KIF14: variants seen among roughly 807,000 people sequenced by gnomAD.
KIF14 encodes the protein kinesin-like protein KIF14.
In KIF14, 98 loss-of-function variants were observed where a neutral mutation model predicts 176.2. The ratio of observed to expected loss-of-function variants is 0.56; its 90% CI spans 0.47 to 0.66. The LOEUF is 0.66. Ranked by LOEUF, KIF14 falls within the 30% of genes least tolerant of loss-of-function variation. KIF14 has a pLI of 0.00. For missense variants in KIF14, 1,751 were observed against 1,920.4 expected, an observed-to-expected ratio of 0.91 and a Z score of 1.65; for synonymous variants, 566 against 632.2, an observed-to-expected ratio of 0.90 and a Z score of 1.57.
chr1:200,573,912 C>A (rs531497515), intron 22 of KIF14, among the ~76,000 whole-genome samples: 40 of 152,126 alleles, frequency 2.6e-4, no homozygotes, highest in Non-Finnish European at 5.6e-4. Flanking sequence ...AGGATGCTAC[C>A]CTTTCATATA....
At chr1:200,606,497 T>C (rs1484046620) in intron 6 of KIF14, among the ~76,000 whole-genome samples, 4 of 152,142 alleles carry the variant, frequency 2.6e-5, no homozygotes, top group Admixed American at 6.5e-5. Flanking sequence ...GTATAATGAA[T>C]ACTCCATGGC....
At chr1:200,603,455 C>T (rs1659723834) in intron 9 of KIF14, 114 bp from the exon 10 acceptor site, 5 of 598,698 alleles carry the variant, frequency 8.4e-6, no homozygotes, top group Non-Finnish European at 1.5e-5. Context: ...TTTTTACTTT[C>T]TTTTTTTTTG....
chr1:200,559,425 C>T lies in KIF14; in HGVS notation c.4258G>A (p.Gly1420Ser), dbSNP rs1166434434. 3 of 1,551,682 alleles carry T rather than the reference C, an allele frequency of 1.9e-6. No homozygotes were observed. The highest frequency in any genetic ancestry group is 2.8e-5 in the African/African-American group (2 of 72,512). The change falls in exon 27 of 30, where the codon GGT becomes AGT. Residue 1420 changes from glycine (G) to serine (S), a missense_variant. By Grantham distance (56) the Gly-to-Ser change is moderately conservative. Transcript: ENST00000367350. ...AAAATCTTCATTCCTAAGCCTACAC[C>T]ATCACAAACAGCATCCATGAATTCC... is the stretch of plus-strand genomic sequence containing the variant. Reference protein sequence around the residue: ...QEEFMDAVCDGVGLGMKILLD... With the variant: ...QEEFMDAVCDSVGLGMKILLD...
At chr1:200,591,006 G>A (rs763093951) in intron 16 of KIF14, among the ~76,000 whole-genome samples, 1 of 150,630 alleles carries the variant, frequency 6.6e-6, no homozygotes, top group East Asian at 1.9e-4. Flanking sequence ...CAGCCTAGAC[G>A]ACAGAGCCAG....
intron 23 of KIF14, among the ~76,000 whole-genome samples, chr1:200,566,890 C>T (rs1231947788): frequency 7.9e-5 from 12 of 151,994 alleles, no homozygotes; most frequent in African/African-American, 2.2e-4. Context: ...AAAGTAGTGT[C>T]TCAGCCGGGC....
chr1:200,577,510 T>C (rs1046104541), intron 21 of KIF14, among the ~76,000 whole-genome samples: 2 of 151,856 alleles, frequency 1.3e-5, no homozygotes, highest in African/African-American at 4.8e-5. Flanking sequence ...TAAGATTGGT[T>C]GGTAGGCCAG....
intron 21 of KIF14, among the ~76,000 whole-genome samples, chr1:200,579,021 G>A (rs1195684193): frequency 1.3e-5 from 2 of 152,146 alleles, no homozygotes; most frequent in Admixed American, 6.5e-5. Context: ...AACTCAGGAG[G>A]TGGAGTTGCA....
At chr1:200,567,532 T>TAAAAAAA (rs35456574) in intron 23 of KIF14, among the ~76,000 whole-genome samples, 1 of 127,790 alleles carries the variant, frequency 7.8e-6, no homozygotes, top group African/African-American at 2.9e-5. Flanking sequence ...AGACTCCGTC[T>TAAAAAAA]AAAAAAAAAA....
At chr1:200,596,224 G>A (rs956939526) in intron 14 of KIF14, among the ~76,000 whole-genome samples, 1 of 151,856 alleles carries the variant, frequency 6.6e-6, no homozygotes, top group African/African-American at 2.4e-5. Context: ...CTCCAGCCTG[G>A]GCAACAGAGC....
chr1:200,570,005 C>T lies in KIF14; in HGVS notation c.3567G>A (p.Arg1189=). 1.3e-6 allele frequency: 2 copies of T among 1,562,070 alleles called. No homozygotes were observed. Among genetic ancestry groups the T allele is most frequent in the Non-Finnish European group, 1.8e-6 (2 of 1,140,580 alleles). The change falls in exon 23 of 30, where the codon AGG becomes AGA. Residue 1189 remains arginine (R), a splice_region_variant and synonymous_variant. Transcript: ENST00000367350. ...TTCTGTTCTTCATCAAACTCCTACTCCTGAAAAAAGACAAACCATAAGATT... is the reference window on the plus strand; with the variant it reads ...TTCTGTTCTTCATCAAACTCCTACTTCTGAAAAAAGACAAACCATAAGATT... ...DAPVSSLSRR[R]SRSLMKNRRI...
At chr1:200,601,425 A>G (rs904660845) in intron 11 of KIF14, among the ~76,000 whole-genome samples, 3 of 152,228 alleles carry the variant, frequency 2.0e-5, no homozygotes, top group Non-Finnish European at 4.4e-5. Flanking sequence ...TCTATCCTAA[A>G]TTGATGATTA....
chr1:200,611,672 T>G (rs1660161721), intron 4 of KIF14, among the ~76,000 whole-genome samples: 1 of 152,230 alleles, frequency 6.6e-6, no homozygotes, highest in African/African-American at 2.4e-5. Context: ...TTTCTTCTCC[T>G]CTGAGGCTCC....
At chr1:200,565,340 G>C in intron 24 of KIF14, 87 bp from the exon 25 acceptor site, 1 of 1,418,558 alleles carries the variant, frequency 7.0e-7, no homozygotes, top group Non-Finnish European at 9.6e-7. Context: ...ATTTAACACA[G>C]TTAAAAGATG....
At chr1:200,616,644 T>C (rs1365293601) in intron 2 of KIF14, among the ~76,000 whole-genome samples, 4 of 152,256 alleles carry the variant, frequency 2.6e-5, no homozygotes, top group East Asian at 3.8e-4. Flanking sequence ...CTTGCTTAGA[T>C]ACACAGCTTC....
chr1:200,603,821 A>G lies in KIF14; in HGVS notation c.1863+18T>C, dbSNP rs1428464773. The stretch of plus-strand genomic sequence containing the variant: ...CAGGAATAAATTTCATCAAAAGGAG[A>G]AAAAGCATTCCATTTACCTTTAGTC... On this transcript the variant is annotated intron_variant, in intron 9 of 29. Transcript: ENST00000367350. The G allele has an allele frequency of 1.4e-6, 2 of 1,462,362 alleles. No individual in the cohort carries two copies. The highest frequency in any genetic ancestry group is 1.9e-6 in the Non-Finnish European group (2 of 1,042,960). The allele number at this position is 1,462,362 out of a possible 1,614,324, so 90.6% of individuals were successfully genotyped here.
At position 200,600,344 on chromosome 1, in the gene KIF14, A is replaced by T; in HGVS notation, c.2300+12T>A. 1 of 1,605,068 alleles carries T rather than the reference A, an allele frequency of 6.2e-7. No individual in the cohort carries two copies. The highest frequency in any genetic ancestry group is 8.5e-7 in the Non-Finnish European group (1 of 1,171,850). On this transcript the variant is annotated intron_variant, in intron 12 of 29. Coordinates refer to ENST00000367350, the MANE Select transcript of KIF14 (RefSeq NM_014875.3). ...AACACACTTAACATTTAGAGTACTG[A>T]CTGTACTCTACCTTTGCATTTCTGC...
chr1:200,570,210 T>C (rs1657700599), intron 22 of KIF14, among the ~76,000 whole-genome samples: 1 of 152,140 alleles, frequency 6.6e-6, no homozygotes, highest in Non-Finnish European at 1.5e-5. Context: ...GTTAATTAAA[T>C]AAGTATTGAT....
At chr1:200,575,753 GAAAA>G in intron 21 of KIF14, 62 bp from the exon 22 acceptor site, 1 of 850,744 alleles carries the variant, frequency 1.2e-6, no homozygotes, top group Non-Finnish European at 1.8e-6. Context: ...TAGCAACTAA[GAAAA>G]AAAAGATTAA....
Position 200,602,058 on chromosome 1 carries a change from C to G in KIF14, c.1990G>C (p.Glu664Gln). The G allele has an allele frequency of 6.2e-7, 1 of 1,610,928 alleles. No individual in the cohort carries two copies. Among genetic ancestry groups the G allele is most frequent in the Non-Finnish European group, 8.5e-7 (1 of 1,179,162 alleles). ...RESVLTWLLK[E>Q]SLGGNSKTAM... ...GTTTTTGAATTTCCACCCAGACTTTCTTTTAACAGCCTACAAGAAAAAAAG... is the reference window on the plus strand; with the variant it reads ...GTTTTTGAATTTCCACCCAGACTTTGTTTTAACAGCCTACAAGAAAAAAAG... Residue 664 changes from glutamate (E) to glutamine (Q), a missense_variant, in exon 11 of 30, where the codon GAA (glutamate) becomes CAA (glutamine). Physicochemically the swap from Glu to Gln is conservative, Grantham distance 29. Transcript: ENST00000367350.
Sources: allele counts gnomAD v4.1 joint callset (sites outside exome capture counted in the v4.1 genomes callset), GRCh38; gene constraint gnomAD v4.1.1; transcripts MANE v1.5; gene names NCBI Gene and HGNC (gene_info 2026-07-23, HGNC 2026-07-21).